The following CSF1R variants were observed in gnomAD, a reference collection of about 807,000 sequenced individuals.
The protein encoded by CSF1R is colony stimulating factor 1 receptor, also known as macrophage colony-stimulating factor 1 receptor.
A neutral mutation model predicts 110.0 loss-of-function variants in CSF1R; 40 were observed. The ratio of observed to expected loss-of-function variants is 0.36; its 90% CI spans 0.28 to 0.47. The LOEUF is 0.47. Ranked by LOEUF, CSF1R falls within the 20% of genes least tolerant of loss-of-function variation. The pLI, the probability that CSF1R is intolerant of heterozygous loss-of-function variation, is 0.99. For synonymous variants in CSF1R, 523 were observed against 503.4 expected (o/e 1.04, Z -0.52); for missense variants, 1,052 against 1,253.0 (o/e 0.84, Z 2.42).
chr5:150,061,285 A>T (rs1304996160), intron 12 of CSF1R, among the ~76,000 whole-genome samples: 1 of 152,122 alleles, frequency 6.6e-6, no homozygotes, highest in Non-Finnish European at 1.5e-5. Context: ...GCCCCTTCAC[A>T]ACTAAAGGGT....
chr5:150,058,244 T>G (rs752478440), intron 14 of CSF1R: 1 of 456,254 alleles, frequency 2.2e-6, no homozygotes, highest in East Asian at 6.9e-5. Context: ...CCTGAGGTGG[T>G]GCACTTCCAA....
intron 1 of CSF1R, among the ~76,000 whole-genome samples, chr5:150,083,521 C>A (rs1165180990): frequency 6.6e-6 from 1 of 151,952 alleles, no homozygotes; most frequent in Non-Finnish European, 1.5e-5. Context: ...TCACAGTGGC[C>A]CCTCATCCAC....
At chr5:150,077,078 A>G (rs948167804) in intron 5 of CSF1R, 198 bp downstream of exon 5, 7 of 688,668 alleles carry the variant, frequency 1.0e-5, no homozygotes, top group Admixed American at 2.3e-5. Context: ...AAGAGCTCCA[A>G]GATGGGAGAG....
At chr5:150,065,761 T>G (rs1031902550) in intron 10 of CSF1R, among the ~76,000 whole-genome samples, 2 of 152,114 alleles carry the variant, frequency 1.3e-5, no homozygotes, top group African/African-American at 4.8e-5. Flanking sequence ...CTCGCAGCCT[T>G]GCATGGGCTC....
intron 10 of CSF1R, among the ~76,000 whole-genome samples, chr5:150,063,492 G>A (rs1047596384): frequency 2.0e-5 from 3 of 152,032 alleles, no homozygotes; most frequent in Non-Finnish European, 2.9e-5. Flanking sequence ...GATTATAGGC[G>A]TGAGCCATCG....
rs781728817 is a variant in CSF1R, at chr5:150,068,316, G to A, written c.1525C>T (p.Pro509Ser). The change falls in exon 10 of 21, where the codon CCC becomes TCC. Residue 509 changes from proline (P) to serine (S), a missense_variant. By Grantham distance (74) the Pro-to-Ser change is moderately conservative. Coordinates refer to ENST00000675795, the MANE Select transcript of CSF1R (RefSeq NM_001288705.3). ...IPISAGAHTHPPDEFLFTPVV... is the reference protein window; with the variant it reads ...IPISAGAHTHSPDEFLFTPVV... ...GGTGTGAAGAGGAACTCATCCGGGG[G>A]ATGCGTGTGGGCTCCTGGAAGGCAT... The A allele has an allele frequency of 1.9e-6, 3 of 1,612,428 alleles. No individual in the cohort carries two copies. Among genetic ancestry groups the A allele is most frequent in the South Asian group, 2.2e-5 (2 of 90,998 alleles).
chr5:150,076,527 C>T (rs1283278748), intron 5 of CSF1R, among the ~76,000 whole-genome samples: 2 of 152,202 alleles, frequency 1.3e-5, no homozygotes, highest in Non-Finnish European at 2.9e-5. Flanking sequence ...CTGACCACCA[C>T]GAAGTGCCTC....
intron 12 of CSF1R, 101 bp downstream of exon 12, chr5:150,061,380 CCAGGCTTCAA>C: frequency 1.0e-6 from 1 of 961,732 alleles, no homozygotes; most frequent in South Asian, 1.6e-5. Context: ...GCTCTGTCCC[CCAGGCTTCAA>C]CAGGTTGAAA....
At chr5:150,105,033 C>T (rs2113866793) in intron 1 of CSF1R, among the ~76,000 whole-genome samples, 1 of 151,460 alleles carries the variant, frequency 6.6e-6, no homozygotes, top group East Asian at 2.0e-4. Context: ...CACCCACCAC[C>T]ACGCCCAGCT....
chr5:150,070,857 C>T (rs1399540897), intron 6 of CSF1R, among the ~76,000 whole-genome samples: 2 of 152,174 alleles, frequency 1.3e-5, no homozygotes, highest in Non-Finnish European at 2.9e-5. Context: ...AGGTCGCCTA[C>T]GTTGACCACT....
chr5:150,112,218 C>T (rs1759741277), intron 1 of CSF1R, among the ~76,000 whole-genome samples: 1 of 134,692 alleles, frequency 7.4e-6, no homozygotes, highest in Non-Finnish European at 1.6e-5. Flanking sequence ...CTTGAATAAA[C>T]TTCTTTAACT....
intron 1 of CSF1R, among the ~76,000 whole-genome samples, chr5:150,084,325 G>A (rs184284493): frequency 1.3e-4 from 17 of 127,970 alleles, no homozygotes; most frequent in Middle Eastern, 4.5e-3. Context: ...AGCAAGACTC[G>A]GTCTCAAAAA....
intron 5 of CSF1R, chr5:150,076,774 C>T: frequency 4.5e-6 from 1 of 223,394 alleles, no homozygotes; most frequent in Non-Finnish European, 9.0e-6. Flanking sequence ...CTCCCTCTGC[C>T]AGAAGCGCTG....
intron 10 of CSF1R, among the ~76,000 whole-genome samples, chr5:150,067,689 C>T (rs1757833805): frequency 6.6e-6 from 1 of 152,176 alleles, no homozygotes; most frequent in Non-Finnish European, 1.5e-5. Context: ...GGGCAGGGCT[C>T]AGGCCTGGCC....
chr5:150,080,369 C>T, intron 2 of CSF1R, 33 bp from the exon 3 acceptor site: 1 of 1,598,622 alleles, frequency 6.3e-7, no homozygotes. Flanking sequence ...GTTACAACTG[C>T]CCTCCCTCCA....
chr5:150,057,249 C>T (rs747406297), intron 16 of CSF1R, 38 bp downstream of exon 16: 59 of 1,587,716 alleles, frequency 3.7e-5, no homozygotes, highest in Admixed American at 6.7e-5. Flanking sequence ...GGAGCACAGA[C>T]CTGGGTGGCT....
Position 150,068,282 on chromosome 5 carries a change from A to G in CSF1R, c.1559T>C (p.Val520Ala). 1 of 1,612,992 alleles carries G rather than the reference A, an allele frequency of 6.2e-7. No homozygotes were observed. The highest frequency in any genetic ancestry group is 8.5e-7 in the Non-Finnish European group (1 of 1,179,948). The change falls in exon 10 of 21, where the codon GTC becomes GCC. Residue 520 changes from valine to alanine, a missense_variant. Transcript: ENST00000675795. ...CAAGGCCATGATGGACATGCAGGCG[A>G]CCACCACTGGTGTGAAGAGGAACTC... ...PDEFLFTPVV[V>A]ACMSIMALLL...
chr5:150,070,638 C>A, intron 6 of CSF1R, 67 bp from the exon 7 acceptor site: 2 of 1,146,998 alleles, frequency 1.7e-6, no homozygotes, highest in South Asian at 1.8e-5. Flanking sequence ...GGATTGCAGT[C>A]AGATAACAGC....
intron 1 of CSF1R, among the ~76,000 whole-genome samples, chr5:150,102,271 C>G (rs1759425371): frequency 6.6e-6 from 1 of 152,184 alleles, no homozygotes; most frequent in Non-Finnish European, 1.5e-5. Flanking sequence ...AGAAATGCAG[C>G]ATCACCGTAC....
Sources: gnomAD v4.1 joint callset for allele counts (sites outside exome capture counted in the v4.1 genomes callset) on GRCh38, gnomAD v4.1.1 for gene constraint, MANE v1.5 for transcripts, NCBI Gene and HGNC (gene_info 2026-07-23, HGNC 2026-07-21) for gene names.